FXR1: variants seen among roughly 807,000 people sequenced by gnomAD.
The protein encoded by FXR1 is FMR1 autosomal homolog 1.
A neutral mutation model predicts 84.0 loss-of-function variants in FXR1; 15 were observed. That is an observed-to-expected ratio of 0.18 (90% CI 0.12 to 0.27). The LOEUF (loss-of-function observed/expected upper bound fraction) is 0.27, where lower values mean the gene tolerates loss of function less well. Among genes scored for constraint, FXR1 ranks in the 10% least tolerant of loss-of-function variants. The pLI, the probability that FXR1 is intolerant of heterozygous loss-of-function variation, is 1.00. For synonymous variants in FXR1, 245 were observed against 250.7 expected (o/e 0.98, Z 0.21); for missense variants, 480 against 774.4 (o/e 0.62, Z 4.51).
chr3:180,953,321 A>G (rs568313821), intron 8 of FXR1, among the ~76,000 whole-genome samples: 1 of 152,328 alleles, frequency 6.6e-6, no homozygotes, highest in Admixed American at 6.5e-5. Context: ...CTCTGCAAAA[A>G]TAGCTTTTTA....
intron 1 of FXR1, among the ~76,000 whole-genome samples, chr3:180,928,752 G>C (rs1332785590): frequency 6.6e-6 from 1 of 151,890 alleles, no homozygotes; most frequent in Non-Finnish European, 1.5e-5. Flanking sequence ...CTAATGGATT[G>C]TTAGTTAACT....
chr3:180,958,831 C>T (rs9849904), intron 10 of FXR1, among the ~76,000 whole-genome samples: 4,544 of 138,252 alleles, frequency 0.033, 241 homozygotes, highest in African/African-American at 0.12. Flanking sequence ...TTCCTGGAGA[C>T]AGAGTCTTAC....
At chr3:180,967,005 T>C (rs770435870) in intron 13 of FXR1, among the ~76,000 whole-genome samples, 1 of 152,306 alleles carries the variant, frequency 6.6e-6, no homozygotes, top group South Asian at 2.1e-4. Flanking sequence ...ACCATTACAA[T>C]AGTTGCAGTG....
chr3:180,926,506 A>ATATATATATTTTT (rs72192827), intron 1 of FXR1, among the ~76,000 whole-genome samples: 3 of 124,374 alleles, frequency 2.4e-5, no homozygotes, highest in African/African-American at 8.7e-5. Context: ...ATATATATAT[A>ATATATATATTTTT]TTTTTTTTTC....
chr3:180,917,776 G>A (rs529838483), intron 1 of FXR1, among the ~76,000 whole-genome samples: 1 of 151,824 alleles, frequency 6.6e-6, no homozygotes, highest in African/African-American at 2.4e-5. Flanking sequence ...GAGAAACCCC[G>A]TCTCTACTAA....
chr3:180,962,103 T>C (rs1021396495), intron 11 of FXR1, among the ~76,000 whole-genome samples: 6 of 152,210 alleles, frequency 3.9e-5, no homozygotes, highest in African/African-American at 1.4e-4. Context: ...GACCCATAAA[T>C]TATTAAACAT....
rs1158599438 is a variant in FXR1 at position 180,978,296 on chromosome 3, G to C, written c.*2004G>C. 1 of 151,700 alleles carries C rather than the reference G, an allele frequency of 6.6e-6. No individual in the cohort carries two copies. Among genetic ancestry groups the C allele is most frequent in the Non-Finnish European group, 1.5e-5 (1 of 67,926 alleles). The allele number at this position is 151,700 out of a possible 1,614,324, so 9.4% of individuals were successfully genotyped here. ...GAATGGAAGAAACAAAATCTTAAAA[G>C]AGTGAGTATAGCTGAACCAATTCTT... On this transcript the variant is annotated 3_prime_UTR_variant, in exon 17 of 17. Coordinates refer to ENST00000357559, the MANE Select transcript of FXR1 (RefSeq NM_005087.4).
At position 180,933,249 on chromosome 3, in the gene FXR1, C is replaced by G. The variant is rs1004553919; in HGVS notation, c.52-85C>G. The G allele has an allele frequency of 5.2e-6, 4 of 773,246 alleles. No individual in the cohort carries two copies. The East Asian group carries it at 7.5e-5, about 14-fold the overall frequency. 47.9% of individuals were successfully genotyped at this position (773,246 alleles called of 1,614,324 possible). ...CAAACCTTGTGTTCTTTTAGTACTC[C>G]CTATTATCTTTGAACTAATACAACC... On this transcript the variant is annotated intron_variant, in intron 1 of 16. Coordinates refer to ENST00000357559, the MANE Select transcript of FXR1 (RefSeq NM_005087.4).
At chr3:180,961,440 C>T (rs775465658) in intron 10 of FXR1, 28 bp from the exon 11 acceptor site, 2 of 1,164,888 alleles carry the variant, frequency 1.7e-6, no homozygotes, top group South Asian at 1.3e-5. Context: ...ATATTAAACA[C>T]TGAATACTTT....
At chr3:180,943,205 G>A (rs1721317832) in intron 3 of FXR1, among the ~76,000 whole-genome samples, 1 of 147,450 alleles carries the variant, frequency 6.8e-6, no homozygotes, top group Admixed American at 6.8e-5. Context: ...GACCTCAGGT[G>A]ATCCACCCGC....
In FXR1 at chr3:180,948,706, T is replaced by C. The variant is rs1194051371; in HGVS notation, c.420-15T>C. ...CTGTTATTGAGTTCTTACACATAAATTGATTTCTCTCTAGGTGTGCTAATG... is the reference window on the plus strand; with the variant it reads ...CTGTTATTGAGTTCTTACACATAAACTGATTTCTCTCTAGGTGTGCTAATG... On this transcript the variant is annotated splice_polypyrimidine_tract_variant and intron_variant, in intron 5 of 16. Transcript: ENST00000357559. 1 of 1,348,688 alleles carries C rather than the reference T, an allele frequency of 7.4e-7. No individual in the cohort carries two copies. The highest frequency in any genetic ancestry group is 1.1e-6 in the Non-Finnish European group (1 of 941,036). 83.5% of individuals were successfully genotyped at this position (1,348,688 alleles called of 1,614,324 possible). A position where few individuals can be genotyped will look rare whatever the true frequency, so the allele number is the denominator to read the frequency against.
chr3:180,956,968 A>G (rs1231292814), intron 9 of FXR1, among the ~76,000 whole-genome samples: 2 of 152,210 alleles, frequency 1.3e-5, no homozygotes, highest in Non-Finnish European at 2.9e-5. Context: ...ACTTGATAAC[A>G]AATATGCTGT....
chr3:180,927,532 T>C, intron 1 of FXR1: 1 of 553,488 alleles, frequency 1.8e-6, no homozygotes, highest in Non-Finnish European at 3.2e-6. Flanking sequence ...TAGGATTTTT[T>C]TTCCACAACG....
At chr3:180,919,294 T>A (rs910795748) in intron 1 of FXR1, among the ~76,000 whole-genome samples, 17 of 150,918 alleles carry the variant, frequency 1.1e-4, no homozygotes, top group Non-Finnish European at 2.1e-4. Context: ...TTTTGTTTTT[T>A]TTTTTTTTGA....
intron 1 of FXR1, among the ~76,000 whole-genome samples, chr3:180,924,922 A>C (rs1718990264): frequency 2.0e-5 from 3 of 152,324 alleles, no homozygotes; most frequent in African/African-American, 7.2e-5. Context: ...GTAGTTATTG[A>C]AAAATATCCT....
At chr3:180,926,506 A>ATTTTTTTTTT (rs57540765) in intron 1 of FXR1, among the ~76,000 whole-genome samples, 3 of 124,374 alleles carry the variant, frequency 2.4e-5, no homozygotes, top group African/African-American at 5.8e-5. Flanking sequence ...ATATATATAT[A>ATTTTTTTTTT]TTTTTTTTTC....
chr3:180,914,712 C>G (rs1430182889), intron 1 of FXR1: 1 of 794,822 alleles, frequency 1.3e-6, no homozygotes, highest in African/African-American at 1.9e-5. Flanking sequence ...TAATTGATCT[C>G]TATACATATC....
chr3:180,943,065 A>G (rs970937434), intron 3 of FXR1, among the ~76,000 whole-genome samples: 6 of 151,448 alleles, frequency 4.0e-5, no homozygotes, highest in African/African-American at 1.5e-4. Context: ...CTCCTAGGTT[A>G]AAGTGATTCT....
At chr3:180,931,534 C>A (rs574592428) in intron 1 of FXR1, among the ~76,000 whole-genome samples, 2 of 152,076 alleles carry the variant, frequency 1.3e-5, no homozygotes, top group African/African-American at 4.8e-5. Context: ...TAGCAATCTT[C>A]AAGAGAAAGA....
Sources: allele counts gnomAD v4.1 joint callset (sites outside exome capture counted in the v4.1 genomes callset), GRCh38; gene constraint gnomAD v4.1.1; transcripts MANE v1.5; gene names NCBI Gene and HGNC (gene_info 2026-07-23, HGNC 2026-07-21).